The following SP110 variants were observed in gnomAD, a reference collection of about 807,000 sequenced individuals.
SP110 encodes the protein SP110 nuclear body protein.
Under a neutral mutation model 92.7 loss-of-function variants are expected in SP110, and 62 were observed. The observed-to-expected ratio is 0.67, with a 90% confidence interval of 0.55 to 0.83. The LOEUF (loss-of-function observed/expected upper bound fraction) is 0.83, where lower values mean the gene tolerates loss of function less well. SP110 is among the 40% of genes least tolerant of loss of function. The pLI, the probability that SP110 is intolerant of heterozygous loss-of-function variation, is 0.00. For synonymous variants in SP110, 273 were observed against 305.3 expected (o/e 0.89, Z 1.10); for missense variants, 793 against 863.9 (o/e 0.92, Z 1.03).
Position 230,208,007 on chromosome 2 carries a change from T to C in SP110, c.882A>G (p.Lys294=). The C allele has an allele frequency of 1.3e-6, 2 of 1,560,852 alleles. No individual in the cohort carries two copies. Among genetic ancestry groups the C allele is most frequent in the Non-Finnish European group, 1.8e-6 (2 of 1,134,170 alleles). The stretch of plus-strand genomic sequence containing the variant: ...TCATCTTACCTCCTGGGAGGCTTTT[T>C]TTCTTATGTCTCCTTTTTGGAGTTG... The part of the protein sequence containing the change: ...IWSTPKRRHK[K]KSLPGGTASS... Residue 294 remains lysine, a synonymous_variant, in exon 8 of 19, where the codon AAA becomes AAG. Transcript: ENST00000258381.
At chr2:230,182,199 T>C (rs1330457058) in intron 12 of SP110, among the ~76,000 whole-genome samples, 3 of 148,180 alleles carry the variant, frequency 2.0e-5, no homozygotes, top group Non-Finnish European at 4.5e-5. Flanking sequence ...AGCAAACTAA[T>C]GCAGGAACGG....
At chr2:230,171,988 T>C (rs2078454915) in intron 16 of SP110, 78 bp downstream of exon 16, 8 of 942,994 alleles carry the variant, frequency 8.5e-6, no homozygotes, top group Non-Finnish European at 8.8e-6. Context: ...CTTTGGTACA[T>C]TGCCCTGACC....
Position 230,178,419 on chromosome 2 carries a change from A to C in SP110, c.1349-164T>G, listed in dbSNP as rs549810937. ...CGAGTGACAGATAAGCTATGTGTAC[A>C]CAGTGGCCTGCAACAAACCACCACT... On this transcript the variant is annotated intron_variant, in intron 12 of 18. Coordinates refer to ENST00000258381, the MANE Select transcript of SP110 (RefSeq NM_080424.4). Among the ~76,000 whole-genome samples, 4 of 151,988 alleles carry C rather than the reference A, an allele frequency of 2.6e-5. No individual in the cohort carries two copies. In the South Asian group the frequency reaches 8.3e-4, roughly 32 times the overall value.
intron 2 of SP110, among the ~76,000 whole-genome samples, chr2:230,216,304 C>G (rs773555371): frequency 6.6e-6 from 1 of 151,970 alleles, no homozygotes; most frequent in Non-Finnish European, 1.5e-5. Flanking sequence ...TTAGGGTGAC[C>G]CTAAATCCAA....
upstream of SP110, among the ~76,000 whole-genome samples, chr2:230,224,506 G>C (rs1405652869): frequency 1.0e-4 from 15 of 150,488 alleles, no homozygotes; most frequent in Non-Finnish European, 4.4e-5. Flanking sequence ...AGACAGAGGA[G>C]AGAGAGGACA....
chr2:230,219,463 T>C (rs1032042292), intron 1 of SP110: 1 of 152,230 alleles, frequency 6.6e-6, no homozygotes, highest in African/African-American at 2.4e-5. Context: ...AATAATCATG[T>C]ATTTAGAGAA....
At position 230,199,141 on chromosome 2, in the gene SP110, TA is replaced by T. The variant is rs1382285623; in HGVS notation, c.1129+1743del. On this transcript the variant is annotated intron_variant, in intron 10 of 18. Transcript: ENST00000258381. ...TTGCTTTAGCTACTATTATTATTATTATTATTATTTTTTTTTTTTTTTAGTG... is the reference window on the plus strand; with the variant it reads ...TTGCTTTAGCTACTATTATTATTATTTTATTATTTTTTTTTTTTTTTAGTG... Among the ~76,000 whole-genome samples, 556 of 134,188 alleles carry T rather than the reference TA, an allele frequency of 4.1e-3. 3 individuals carry two copies. The highest frequency in any genetic ancestry group is 0.018 in the African/African-American group (535 of 30,524). 88.0% of individuals were successfully genotyped at this position (134,188 alleles called of 152,430 possible).
intron 3 of SP110, 127 bp from the exon 4 acceptor site, chr2:230,213,154 G>A (rs542940565): frequency 4.1e-4 from 358 of 868,840 alleles, no homozygotes; most frequent in Admixed American, 1.8e-3. Flanking sequence ...CCCAGGTGCA[G>A]AGAACTGATT....
At chr2:230,197,178 A>G (rs1281032098) in intron 10 of SP110, among the ~76,000 whole-genome samples, 1 of 151,778 alleles carries the variant, frequency 6.6e-6, no homozygotes, top group South Asian at 2.1e-4. Flanking sequence ...AAGTGTTCCT[A>G]TTTCTCCACA....
intron 7 of SP110, among the ~76,000 whole-genome samples, chr2:230,209,393 C>T (rs892778174): frequency 6.6e-6 from 1 of 151,970 alleles, no homozygotes; most frequent in African/African-American, 2.4e-5. Flanking sequence ...AGAAAAGCAG[C>T]TTTTGAAAGG....
chr2:230,209,402 G>T (rs1207513300), intron 7 of SP110, among the ~76,000 whole-genome samples: 1 of 152,146 alleles, frequency 6.6e-6, no homozygotes, highest in East Asian at 1.9e-4. Context: ...GCTTTTGAAA[G>T]GATTATTGGG....
At position 230,178,366 on chromosome 2, in the gene SP110, T is replaced by C. The variant is rs192389281; in HGVS notation, c.1349-111A>G. 5,357 of 711,668 alleles carry C rather than the reference T, an allele frequency of 7.5e-3. 36 individuals carry two copies. The highest frequency in any genetic ancestry group is 0.013 in the Middle Eastern group (45 of 3,406). 44.1% of individuals were successfully genotyped at this position (711,668 alleles called of 1,614,324 possible). ...GTACAGGGTATTGGGGAACGTTCTC[T>C]GGTTAGTTTGCAGGAACTCTTTCAT... On this transcript the variant is annotated intron_variant, in intron 12 of 18. Transcript: ENST00000258381.
intron 15 of SP110, 31 bp from the exon 16 acceptor site, chr2:230,172,205 G>A (rs769370641): frequency 4.4e-6 from 6 of 1,365,904 alleles, no homozygotes; most frequent in Non-Finnish European, 6.3e-6. Context: ...TGAGCAGAGG[G>A]CAAAGCCCCT....
intron 15 of SP110, 32 bp downstream of exon 15, chr2:230,172,812 G>GGA: frequency 7.1e-7 from 1 of 1,416,696 alleles, no homozygotes; most frequent in Non-Finnish European, 1.0e-6. Flanking sequence ...GGTGAGTGCT[G>GGA]TGTGCCCGAG....
chr2:230,201,940 C>T (rs2148856910), intron 9 of SP110, among the ~76,000 whole-genome samples: 1 of 152,278 alleles, frequency 6.6e-6, no homozygotes, highest in African/African-American at 2.4e-5. Context: ...TAAATTACCT[C>T]ACCCTTTTAA....
In SP110 at chr2:230,178,137, CA is replaced by C; in HGVS notation, c.1447+19del. ...TCCTTCATCTAGGGATTCCAAAGAG[CA>C]GAAGACCAAGGAACTCACCGTGTTT... On this transcript the variant is annotated intron_variant, in intron 13 of 18. Transcript: ENST00000258381. 1 of 1,478,832 alleles carries C rather than the reference CA, an allele frequency of 6.8e-7. No homozygotes were observed. The highest frequency in any genetic ancestry group is 9.4e-7 in the Non-Finnish European group (1 of 1,058,242). The allele number at this position is 1,478,832 out of a possible 1,614,324, so 91.6% of individuals were successfully genotyped here.
intron 16 of SP110, 32 bp downstream of exon 16, chr2:230,172,034 A>G (rs960029715): frequency 4.6e-6 from 6 of 1,303,828 alleles, no homozygotes; most frequent in African/African-American, 1.5e-5. Flanking sequence ...GAGAAGGGAA[A>G]AGTATAGGTT....
intron 14 of SP110, 83 bp downstream of exon 14, chr2:230,177,455 G>T (rs2041916286): frequency 2.2e-6 from 3 of 1,375,630 alleles, no homozygotes; most frequent in Non-Finnish European, 3.1e-6. Flanking sequence ...CCTAACGGGA[G>T]CTCTTCACAT....
At chr2:230,204,436 T>C (rs1374030697) in intron 8 of SP110, among the ~76,000 whole-genome samples, 1 of 152,136 alleles carries the variant, frequency 6.6e-6, no homozygotes, top group Admixed American at 6.5e-5. Context: ...TAATAAGAAT[T>C]TGGAGAATTG....
Sources: gnomAD v4.1 joint callset for allele counts (sites outside exome capture counted in the v4.1 genomes callset) on GRCh38, gnomAD v4.1.1 for gene constraint, MANE v1.5 for transcripts, NCBI Gene and HGNC (gene_info 2026-07-23, HGNC 2026-07-21) for gene names.